SNTG1: variants seen among roughly 807,000 people sequenced by gnomAD.
SNTG1 encodes syntrophin gamma 1.
A neutral mutation model predicts 74.7 loss-of-function variants in SNTG1; 39 were observed. The ratio of observed to expected loss-of-function variants is 0.52; its 90% CI spans 0.40 to 0.68. SNTG1 has a LOEUF of 0.68. Among genes scored for constraint, SNTG1 ranks in the 30% least tolerant of loss-of-function variants. The probability of loss-of-function intolerance (pLI) is 0.00; values close to 1 mark genes in which losing one functional copy is unlikely to be tolerated. For missense variants in SNTG1, 685 were observed against 609.5 expected (o/e 1.12, Z -1.30); for synonymous variants, 254 against 217.1 (o/e 1.17, Z -1.49).
intron 18 of SNTG1, among the ~76,000 whole-genome samples, chr8:50,791,587 A>G (rs72645856): frequency 0.097 from 14,735 of 151,916 alleles, 778 homozygotes; most frequent in Middle Eastern, 0.13. Flanking sequence ...AAAGTATTGA[A>G]TATTTTGTAA....
At chr8:50,002,271 G>C (rs1044564596) in intron 1 of SNTG1, among the ~76,000 whole-genome samples, 1 of 151,962 alleles carries the variant, frequency 6.6e-6, no homozygotes, top group African/African-American at 2.4e-5. Flanking sequence ...TTTAGCCATC[G>C]GCATAGTCCA....
chr8:49,997,129 C>T (rs1188411905), intron 1 of SNTG1, among the ~76,000 whole-genome samples: 1 of 151,996 alleles, frequency 6.6e-6, no homozygotes, highest in Non-Finnish European at 1.5e-5. Flanking sequence ...TCTGTGACTC[C>T]ACGAAGCTGT....
intron 12 of SNTG1, among the ~76,000 whole-genome samples, chr8:50,581,740 A>G (rs1442063281): frequency 1.3e-5 from 2 of 152,186 alleles, no homozygotes; most frequent in Non-Finnish European, 2.9e-5. Context: ...AAGGGATTAC[A>G]TAAGTTGCTT....
chr8:50,555,511 G>T (rs1343156003), intron 12 of SNTG1, among the ~76,000 whole-genome samples: 1 of 152,120 alleles, frequency 6.6e-6, no homozygotes, highest in Non-Finnish European at 1.5e-5. Flanking sequence ...GGAAAGTTTT[G>T]CTTAGGTTAG....
intron 15 of SNTG1, among the ~76,000 whole-genome samples, chr8:50,700,070 T>G (rs1168586356): frequency 6.6e-6 from 1 of 152,126 alleles, no homozygotes; most frequent in East Asian, 1.9e-4. Context: ...CTTTTGTTCT[T>G]ATCACCTTAT....
At chr8:50,208,214 G>A (rs185753317) in intron 2 of SNTG1, among the ~76,000 whole-genome samples, 1 of 152,216 alleles carries the variant, frequency 6.6e-6, no homozygotes, top group Admixed American at 6.5e-5. Flanking sequence ...TCTCTTTGTA[G>A]GTCTCTAAGA....
At chr8:50,347,216 C>T (rs1444495440) in intron 2 of SNTG1, among the ~76,000 whole-genome samples, 1 of 152,146 alleles carries the variant, frequency 6.6e-6, no homozygotes, top group African/African-American at 2.4e-5. Flanking sequence ...CAGTTAAAAC[C>T]AATGCTTGTT....
At chr8:50,324,984 G>A (rs2090684602) in intron 2 of SNTG1, among the ~76,000 whole-genome samples, 1 of 146,642 alleles carries the variant, frequency 6.8e-6, no homozygotes, top group Non-Finnish European at 1.5e-5. Flanking sequence ...CAGAGAGAGA[G>A]AGAATACTGT....
At chr8:49,979,795 A>G (rs942730799) in intron 1 of SNTG1, among the ~76,000 whole-genome samples, 3 of 152,198 alleles carry the variant, frequency 2.0e-5, no homozygotes, top group Non-Finnish European at 2.9e-5. Flanking sequence ...AGGATTGCTG[A>G]GTCGCTTGTG....
chr8:50,546,066 GA>G (rs2094385571), intron 11 of SNTG1, among the ~76,000 whole-genome samples: 1 of 151,978 alleles, frequency 6.6e-6, no homozygotes, highest in Non-Finnish European at 1.5e-5. Flanking sequence ...GGAAGAAAAA[GA>G]AAAAATACTA....
At chr8:50,190,491 C>G (rs563442181) in intron 2 of SNTG1, among the ~76,000 whole-genome samples, 2 of 152,114 alleles carry the variant, frequency 1.3e-5, no homozygotes, top group East Asian at 3.9e-4. Context: ...ATGCATAGCT[C>G]CAGTTGATTT....
At chr8:50,115,875 C>T (rs937367250) in intron 1 of SNTG1, among the ~76,000 whole-genome samples, 2 of 151,806 alleles carry the variant, frequency 1.3e-5, no homozygotes, top group Non-Finnish European at 2.9e-5. Context: ...CCACCCACCG[C>T]CCCCCAACCC....
intron 1 of SNTG1, among the ~76,000 whole-genome samples, chr8:50,082,998 T>C (rs560895428): frequency 5.3e-4 from 80 of 152,310 alleles, no homozygotes; most frequent in African/African-American, 1.8e-3. Flanking sequence ...TAATGTATAA[T>C]ACTCCCAATG....
At position 50,110,761 on chromosome 8, in the gene SNTG1, A is replaced by G. The variant is rs918025664; in HGVS notation, c.-102-61800A>G. Among the ~76,000 whole-genome samples the G allele has an allele frequency of 9.0e-4, 137 of 152,044 alleles. 1 individual carries two copies. Among genetic ancestry groups the G allele is most frequent in the Non-Finnish European group, 1.6e-3 (112 of 68,026 alleles). ...TCATTAATACTACTGTAGTGCAAAA[A>G]CAGCCATAGACAATACAAAAGTGAA... On this transcript the variant is annotated intron_variant, in intron 1 of 18. Transcript: ENST00000642720.
chr8:50,000,174 T>C (rs1814613512), intron 1 of SNTG1, among the ~76,000 whole-genome samples: 1 of 152,204 alleles, frequency 6.6e-6, no homozygotes, highest in African/African-American at 2.4e-5. Flanking sequence ...TCCTGCCATA[T>C]GATCTGCTTC....
chr8:50,006,937 A>T (rs143816694), intron 1 of SNTG1, among the ~76,000 whole-genome samples: 3 of 152,194 alleles, frequency 2.0e-5, no homozygotes, highest in African/African-American at 7.2e-5. Context: ...ATCCCTGCCT[A>T]GGGTAGGGGA....
chr8:49,967,929 C>G (rs417918), intron 1 of SNTG1, among the ~76,000 whole-genome samples: 133,200 of 152,170 alleles, frequency 0.88, 58,471 homozygotes, highest in East Asian at 1. Flanking sequence ...GTCCCCAGGA[C>G]TGTGCACTTT....
chr8:50,788,850 G>C (rs965343689), intron 18 of SNTG1, among the ~76,000 whole-genome samples: 1 of 151,814 alleles, frequency 6.6e-6, no homozygotes, highest in East Asian at 1.9e-4. Context: ...ATCTCCTGCG[G>C]CCTCAGATCA....
chr8:50,617,360 T>TA (rs1330948158), intron 13 of SNTG1, among the ~76,000 whole-genome samples: 1 of 148,296 alleles, frequency 6.7e-6, no homozygotes, highest in Non-Finnish European at 1.5e-5. Context: ...CCACACCAAT[T>TA]AAGATCAAGT....
Sources: allele counts gnomAD v4.1 joint callset (sites outside exome capture counted in the v4.1 genomes callset), GRCh38; gene constraint gnomAD v4.1.1; transcripts MANE v1.5; gene names NCBI Gene and HGNC (gene_info 2026-07-23, HGNC 2026-07-21).